Variants in ADAD1 observed in about 807,000 individuals in gnomAD.
ADAD1 encodes adenosine deaminase domain containing 1.
ADAD1 carries 46 observed loss-of-function variants against 66.8 expected under a neutral mutation model. The ratio of observed to expected loss-of-function variants is 0.69; its 90% CI spans 0.54 to 0.88. The LOEUF is 0.88. ADAD1 is among the 40% of genes least tolerant of loss of function. The pLI, the probability that ADAD1 is intolerant of heterozygous loss-of-function variation, is 0.00. For synonymous variants in ADAD1, 248 were observed against 229.4 expected (o/e 1.08, Z -0.73); for missense variants, 617 against 681.8 (o/e 0.91, Z 1.06).
intron 3 of ADAD1, 89 bp from the exon 4 acceptor site, chr4:122,380,903 A>T: frequency 8.3e-7 from 1 of 1,208,590 alleles, no homozygotes; most frequent in Non-Finnish European, 1.1e-6. Flanking sequence ...ATCTGGGACA[A>T]CCTTCCATTT....
At chr4:122,428,503 A>G (rs902040118) in intron 12 of ADAD1, among the ~76,000 whole-genome samples, 6 of 152,206 alleles carry the variant, frequency 3.9e-5, no homozygotes, top group African/African-American at 1.4e-4. Flanking sequence ...TCAAATGTTA[A>G]TCAGCTGGTG....
At chr4:122,409,722 C>T (rs1357183063) in intron 8 of ADAD1, among the ~76,000 whole-genome samples, 1 of 151,884 alleles carries the variant, frequency 6.6e-6, no homozygotes, top group Non-Finnish European at 1.5e-5. Context: ...GTTTTTGAGA[C>T]GGAGTCTTAC....
At chr4:122,384,949 T>C (rs373299664) in intron 5 of ADAD1, among the ~76,000 whole-genome samples, 87 of 152,330 alleles carry the variant, frequency 5.7e-4, no homozygotes, top group African/African-American at 2.0e-3. Context: ...AACTAAAAGT[T>C]CTTTAACGAT....
At chr4:122,385,667 A>G (rs1795139499) in intron 5 of ADAD1, among the ~76,000 whole-genome samples, 1 of 152,100 alleles carries the variant, frequency 6.6e-6, no homozygotes, top group Non-Finnish European at 1.5e-5. Context: ...TGCTTTACCT[A>G]TTAACCTGTC....
chr4:122,384,898 T>G (rs887324934), intron 5 of ADAD1, among the ~76,000 whole-genome samples: 1 of 152,222 alleles, frequency 6.6e-6, no homozygotes, highest in Non-Finnish European at 1.5e-5. Flanking sequence ...TCTATATTCA[T>G]TATTGTTTTC....
intron 5 of ADAD1, among the ~76,000 whole-genome samples, chr4:122,388,715 T>C (rs1483610964): frequency 6.6e-6 from 1 of 152,226 alleles, no homozygotes; most frequent in African/African-American, 2.4e-5. Flanking sequence ...AGTGGTGATA[T>C]CCCCTTTATC....
At chr4:122,399,883 A>G (rs1795891674) in intron 7 of ADAD1, among the ~76,000 whole-genome samples, 1 of 151,618 alleles carries the variant, frequency 6.6e-6, no homozygotes, top group Non-Finnish European at 1.5e-5. Flanking sequence ...TTCATTTATC[A>G]TATCTGGGAG....
intron 5 of ADAD1, among the ~76,000 whole-genome samples, chr4:122,391,493 A>G (rs777138416): frequency 2.2e-4 from 33 of 152,304 alleles, no homozygotes; most frequent in Middle Eastern, 3.4e-3. Context: ...CGCAGAGACT[A>G]TGGCCACCCC....
At chr4:122,413,208 C>G (rs1341706240) in intron 10 of ADAD1, among the ~76,000 whole-genome samples, 1 of 152,082 alleles carries the variant, frequency 6.6e-6, no homozygotes, top group African/African-American at 2.4e-5. Flanking sequence ...GCTGAAGTTT[C>G]ATATTTTGAG....
chr4:122,392,008 C>G (rs146550650), intron 5 of ADAD1, among the ~76,000 whole-genome samples: 2,676 of 152,286 alleles, frequency 0.018, 38 homozygotes, highest in Non-Finnish European at 0.029. Flanking sequence ...ACATGCCTGA[C>G]CTTGTACTTG....
chr4:122,388,763 CTT>C (rs368517779), intron 5 of ADAD1, among the ~76,000 whole-genome samples: 96 of 151,994 alleles, frequency 6.3e-4, no homozygotes, highest in African/African-American at 2.2e-3. Context: ...TTCTCTTCTT[CTT>C]TATTAGTCTA....
At position 122,383,614 on chromosome 4, in the gene ADAD1, G is replaced by A. The variant is rs550429662; in HGVS notation, c.362-185G>A. On this transcript the variant is annotated intron_variant, in intron 4 of 12. Coordinates refer to ENST00000296513, the MANE Select transcript of ADAD1 (RefSeq NM_139243.4). The stretch of plus-strand genomic sequence containing the variant: ...GGCCTAAGCTGCTTGAATCCTCAGA[G>A]TTAGTTCAGATGCCCATTCAGTTTT... 7.2e-5 allele frequency among the ~76,000 whole-genome samples: 11 copies of A among 152,294 alleles called. 1 individual carries two copies. The highest frequency in any genetic ancestry group is 6.5e-4 in the Admixed American group (10 of 15,296).
intron 11 of ADAD1, among the ~76,000 whole-genome samples, chr4:122,417,459 G>A (rs982417441): frequency 2.6e-5 from 4 of 151,764 alleles, no homozygotes; most frequent in East Asian, 1.9e-4. Flanking sequence ...TAATTTATAC[G>A]GAAGACAGAA....
chr4:122,416,200 A>G (rs908195640), intron 11 of ADAD1, among the ~76,000 whole-genome samples: 17 of 152,196 alleles, frequency 1.1e-4, no homozygotes, highest in Admixed American at 2.6e-4. Flanking sequence ...AGTTAATGAC[A>G]CAGCTTGGGT....
Position 122,394,145 on chromosome 4 carries a change from C to T in ADAD1, c.598+488C>T, listed in dbSNP as rs28534456. ...TTACTCATCTATGAGATAGTCATTA[C>T]GGTAATTATCTTATAGGGTTATCAT... On this transcript the variant is annotated intron_variant, in intron 6 of 12. Transcript: ENST00000296513. 7.8e-3 allele frequency among the ~76,000 whole-genome samples: 1,190 copies of T among 152,142 alleles called. 9 individuals carry two copies. The highest frequency in any genetic ancestry group is 0.025 in the African/African-American group (1,042 of 41,518).
chr4:122,427,120 T>C (rs959439939), intron 12 of ADAD1, among the ~76,000 whole-genome samples: 3 of 152,226 alleles, frequency 2.0e-5, no homozygotes, highest in Non-Finnish European at 4.4e-5. Flanking sequence ...CTGGATCATA[T>C]ATGACTTTAG....
intron 12 of ADAD1, among the ~76,000 whole-genome samples, chr4:122,421,632 T>G (rs958764201): frequency 4.6e-5 from 7 of 152,154 alleles, no homozygotes; most frequent in Admixed American, 3.9e-4. Flanking sequence ...GTAGGTTACA[T>G]AGCACTTAAA....
intron 5 of ADAD1, among the ~76,000 whole-genome samples, chr4:122,386,317 T>C (rs1795168949): frequency 6.6e-6 from 1 of 152,244 alleles, no homozygotes; most frequent in African/African-American, 2.4e-5. Context: ...GCTTTTTTCA[T>C]ATGTTTGTTG....
At chr4:122,395,020 C>T (rs1795628763) in intron 6 of ADAD1, among the ~76,000 whole-genome samples, 1 of 152,034 alleles carries the variant, frequency 6.6e-6, no homozygotes, top group Non-Finnish European at 1.5e-5. Context: ...ATTTCCCAGC[C>T]TGTGTGGTTT....
Sources: gnomAD v4.1 joint callset for allele counts (sites outside exome capture counted in the v4.1 genomes callset) on GRCh38, gnomAD v4.1.1 for gene constraint, MANE v1.5 for transcripts, NCBI Gene and HGNC (gene_info 2026-07-23, HGNC 2026-07-21) for gene names.